VPS35L: variants seen among roughly 807,000 people sequenced by gnomAD.
VPS35L encodes the protein VPS35 endosomal protein sorting factor like.
Under a neutral mutation model 133.0 loss-of-function variants are expected in VPS35L, and 83 were observed. That is an observed-to-expected ratio of 0.62 (90% CI 0.52 to 0.75). The LOEUF is 0.75. Ranked by LOEUF, VPS35L falls within the 30% of genes least tolerant of loss-of-function variation. The pLI is 0.00. For synonymous variants in VPS35L, 423 were observed against 449.9 expected (o/e 0.94, Z 0.76); for missense variants, 1,083 against 1,206.8 (o/e 0.90, Z 1.52).
intron 4 of VPS35L, among the ~76,000 whole-genome samples, chr16:19,573,639 T>C (rs2151510511): frequency 6.6e-6 from 1 of 152,122 alleles, no homozygotes; most frequent in East Asian, 1.9e-4. Flanking sequence ...GCCAACATAG[T>C]GAAACCCCAT....
intron 28 of VPS35L, among the ~76,000 whole-genome samples, chr16:19,684,694 G>T (rs1329230720): frequency 6.6e-6 from 1 of 152,200 alleles, no homozygotes; most frequent in Non-Finnish European, 1.5e-5. Flanking sequence ...GCTTCCGGTA[G>T]TTAGTGATGG....
chr16:19,623,078 AC>A (rs1244072546), intron 14 of VPS35L, among the ~76,000 whole-genome samples: 7 of 152,062 alleles, frequency 4.6e-5, no homozygotes, highest in Non-Finnish European at 1.0e-4. Context: ...AGAACAGGAA[AC>A]CTTTCTCCAA....
At position 19,609,007 on chromosome 16, in the gene VPS35L, A is replaced by G; in HGVS notation, c.915A>G (p.Lys305=). ...AGGCATCCATCCTGAAATGTAACAA[A>G]TTCCTCTCCAAAACGTAAGGCTCTT... ...YVEASILKCN[K]FLSKTGISEC... Residue 305 remains lysine (K), a synonymous_variant, in exon 11 of 31, where the codon AAA becomes AAG. Transcript: ENST00000417362. The G allele has an allele frequency of 1.2e-6, 2 of 1,613,918 alleles. No homozygotes were observed. The highest frequency in any genetic ancestry group is 1.7e-6 in the Non-Finnish European group (2 of 1,179,866).
At chr16:19,624,504 G>C (rs1290959678) in intron 14 of VPS35L, among the ~76,000 whole-genome samples, 2 of 152,000 alleles carry the variant, frequency 1.3e-5, no homozygotes, top group East Asian at 3.9e-4. Context: ...AGAATCTCTT[G>C]AACCCAAGAG....
chr16:19,595,716 T>C (rs1233365631), intron 8 of VPS35L, among the ~76,000 whole-genome samples: 2 of 152,240 alleles, frequency 1.3e-5, no homozygotes, highest in Non-Finnish European at 2.9e-5. Flanking sequence ...AGCCCCGTCC[T>C]GTACTCCCCG....
chr16:19,605,828 T>C (rs1241805381), intron 9 of VPS35L, among the ~76,000 whole-genome samples: 3 of 152,240 alleles, frequency 2.0e-5, no homozygotes, highest in African/African-American at 4.8e-5. Flanking sequence ...GTTTGCCTGC[T>C]TATTCTCTTT....
Position 19,616,681 on chromosome 16 carries a change from T to C in VPS35L, c.1102-5T>C, listed in dbSNP as rs780044811. 1.8e-5 allele frequency: 29 copies of C among 1,613,334 alleles called. No individual in the cohort carries two copies. In the Admixed American group the frequency reaches 4.8e-4, roughly 27 times the overall value. ...TTTTCTAAGTGTTTGTTTGGCCTCCTGTAGATTCATGGGGATACGGTCCAG... is the reference window on the plus strand; with the variant it reads ...TTTTCTAAGTGTTTGTTTGGCCTCCCGTAGATTCATGGGGATACGGTCCAG... On this transcript the variant is annotated splice_polypyrimidine_tract_variant and splice_region_variant and intron_variant, in intron 13 of 30. Transcript: ENST00000417362.
chr16:19,647,071 C>T (rs940556811), intron 23 of VPS35L, among the ~76,000 whole-genome samples: 9 of 152,190 alleles, frequency 5.9e-5, no homozygotes, highest in Admixed American at 1.3e-4. Flanking sequence ...CCTGACTCTG[C>T]GGGTAAAATA....
At position 19,555,762 on chromosome 16, in the gene VPS35L, C is replaced by T. The variant is rs1474926169; in HGVS notation, c.17+16C>T. On this transcript the variant is annotated intron_variant, in intron 1 of 30. Transcript: ENST00000417362. ...TCTTTCCTTGGTAAGGAAGCAGCGG[C>T]GGGTGGGCTTTGGAGAGGGGCTGTC... 12 of 1,567,664 alleles carry T rather than the reference C, an allele frequency of 7.7e-6. No individual in the cohort carries two copies. The African/African-American group carries it at 1.4e-4, about 18-fold the overall frequency.
At chr16:19,669,048 A>C in intron 26 of VPS35L, 112 bp from the exon 27 acceptor site, 6 of 1,131,030 alleles carry the variant, frequency 5.3e-6, no homozygotes, top group Non-Finnish European at 7.3e-6. Context: ...TGCCCTCGGC[A>C]TGGCCTGGCT....
intron 28 of VPS35L, among the ~76,000 whole-genome samples, chr16:19,685,150 C>T (rs1315883737): frequency 1.3e-5 from 2 of 152,134 alleles, no homozygotes; most frequent in East Asian, 3.8e-4. Context: ...TGAACACTCG[C>T]AGGTAACCAC....
chr16:19,618,329 G>A (rs541403222), intron 14 of VPS35L, among the ~76,000 whole-genome samples: 5 of 152,246 alleles, frequency 3.3e-5, no homozygotes, highest in African/African-American at 9.6e-5. Context: ...TTAGACGAGT[G>A]CATAAACATT....
At chr16:19,564,265 G>A (rs558822485) in intron 1 of VPS35L, among the ~76,000 whole-genome samples, 2 of 152,046 alleles carry the variant, frequency 1.3e-5, no homozygotes, top group South Asian at 4.2e-4. Flanking sequence ...TTTTAATAGA[G>A]ATGGGGATTC....
At chr16:19,679,264 T>C (rs1389167063) in intron 27 of VPS35L, among the ~76,000 whole-genome samples, 1 of 151,946 alleles carries the variant, frequency 6.6e-6, no homozygotes, top group Non-Finnish European at 1.5e-5. Context: ...TTTGAGCATC[T>C]TGTATTCTCA....
In VPS35L at chr16:19,701,064, C is replaced by CA. The variant is rs1398017593; in HGVS notation, c.*591dup. 1 of 152,348 alleles carries CA rather than the reference C, an allele frequency of 6.6e-6. No homozygotes were observed. Among genetic ancestry groups the CA allele is most frequent in the East Asian group, 1.9e-4 (1 of 5,198 alleles). 9.4% of individuals were successfully genotyped at this position (152,348 alleles called of 1,614,324 possible). A position where few individuals can be genotyped will look rare whatever the true frequency, so the allele number is the denominator to read the frequency against. The stretch of plus-strand genomic sequence containing the variant: ...GGTGGATCAAAGGAGAAAGCGAGGT[C>CA]AAATTTGAGATTCTCTGTGGCTTCA... On this transcript the variant is annotated 3_prime_UTR_variant, in exon 31 of 31. Transcript: ENST00000417362.
chr16:19,693,089 G>A lies in VPS35L; in HGVS notation c.2646+1618G>A, dbSNP rs991592432. 3.9e-5 allele frequency among the ~76,000 whole-genome samples: 6 copies of A among 152,204 alleles called. No homozygotes were observed. The South Asian group carries it at 6.2e-4, about 16-fold the overall frequency. ...GTGACTGTGTCCTACTGACCCTGGGGACCCCGAGCTGCAGTACCAGAACTC... is the reference window on the plus strand; with the variant it reads ...GTGACTGTGTCCTACTGACCCTGGGAACCCCGAGCTGCAGTACCAGAACTC... On this transcript the variant is annotated intron_variant, in intron 29 of 30. Transcript: ENST00000417362.
chr16:19,677,257 G>A (rs1975095973), intron 27 of VPS35L, among the ~76,000 whole-genome samples: 1 of 151,832 alleles, frequency 6.6e-6, no homozygotes, highest in African/African-American at 2.4e-5. Flanking sequence ...TTATTTATTT[G>A]TATTTTTAGT....
intron 6 of VPS35L, among the ~76,000 whole-genome samples, chr16:19,581,061 C>T (rs529813855): frequency 4.6e-5 from 7 of 152,100 alleles, no homozygotes; most frequent in Admixed American, 2.6e-4. Context: ...TCTTCAGAAT[C>T]TTAAGCTCCA....
Position 19,609,052 on chromosome 16 carries a change from A to T in VPS35L, c.929+31A>T, listed in dbSNP as rs115432071. 3.5e-3 allele frequency: 5,587 copies of T among 1,583,466 alleles called. 167 individuals are homozygous for T. The African/African-American group carries it at 0.066, about 19-fold the overall frequency. ...GCTCTTCGGTAAAATCTAGAACCAT[A>T]AAATTTCTAAAAATCTCCCATGTGT... On this transcript the variant is annotated intron_variant, in intron 11 of 30. Coordinates refer to ENST00000417362, the MANE Select transcript of VPS35L (RefSeq NM_020314.7).
Sources: gnomAD v4.1 joint callset for allele counts (sites outside exome capture counted in the v4.1 genomes callset) on GRCh38, gnomAD v4.1.1 for gene constraint, MANE v1.5 for transcripts, NCBI Gene and HGNC (gene_info 2026-07-23, HGNC 2026-07-21) for gene names.